ZNF536: variants seen among roughly 807,000 people sequenced by gnomAD.
ZNF536 encodes the protein zinc finger protein 536.
ZNF536 carries 13 observed loss-of-function variants against 84.5 expected under a neutral mutation model. The ratio of observed to expected loss-of-function variants is 0.15; its 90% CI spans 0.10 to 0.24. The LOEUF is 0.24. ZNF536 is among the 10% of genes least tolerant of loss of function. ZNF536 has a pLI of 1.00. For missense variants in ZNF536, 1,536 were observed against 1,747.5 expected, an observed-to-expected ratio of 0.88 and a Z score of 2.16; for synonymous variants, 811 against 742.5, an observed-to-expected ratio of 1.09 and a Z score of -1.50.
At chr19:30,367,335 A>G (rs2048468510) in intron 3 of ZNF536, among the ~76,000 whole-genome samples, 1 of 152,212 alleles carries the variant, frequency 6.6e-6, no homozygotes, top group African/African-American at 2.4e-5. Context: ...GAAGTGTCTC[A>G]GACAAGGCTC....
chr19:30,704,713 C>T (rs1384692356), intron 1 of ZNF536, among the ~76,000 whole-genome samples: 1 of 150,698 alleles, frequency 6.6e-6, no homozygotes, highest in Non-Finnish European at 1.5e-5. Flanking sequence ...GCTGCCTTGT[C>T]ACCTCTGGGA....
At chr19:30,463,652 C>A (rs931866017) in intron 2 of ZNF536, among the ~76,000 whole-genome samples, 6 of 152,198 alleles carry the variant, frequency 3.9e-5, no homozygotes, top group Non-Finnish European at 7.3e-5. Flanking sequence ...GAAATGCCTT[C>A]TCTCAGCACA....
In ZNF536 at chr19:30,325,488, A is replaced by G. The variant is rs2146305631; in HGVS notation, c.-119-26880A>G. Among the ~76,000 whole-genome samples, 2 of 152,200 alleles carry G rather than the reference A, an allele frequency of 1.3e-5. 1 individual carries two copies. The highest frequency in any genetic ancestry group is 4.2e-4 in the South Asian group (2 of 4,810). Reference sequence around the variant, plus strand: ...ATGGGGTGCTCACATGTGTTTTGTCAGTGTCTGGGGGCTGTTTTGGGGCTC... The same window carrying G: ...ATGGGGTGCTCACATGTGTTTTGTCGGTGTCTGGGGGCTGTTTTGGGGCTC... On this transcript the variant is annotated intron_variant, in intron 2 of 5. Transcript: ENST00000585628.
chr19:30,547,369 C>T (rs2045596963), intron 3 of ZNF536, among the ~76,000 whole-genome samples: 1 of 152,088 alleles, frequency 6.6e-6, no homozygotes, highest in Admixed American at 6.5e-5. Flanking sequence ...ATATCTGAGC[C>T]CGTCTGGAAT....
intron 1 of ZNF536, among the ~76,000 whole-genome samples, chr19:30,260,792 C>G (rs940820988): frequency 2.0e-5 from 3 of 152,130 alleles, no homozygotes; most frequent in Non-Finnish European, 4.4e-5. Context: ...CAGGTACAAG[C>G]AAATGTGTGG....
At position 30,579,473 on chromosome 19, in the gene ZNF536, C is replaced by G. The variant is rs190235200; in HGVS notation, c.169+29959C>G. ...GTTCCTTAGTTCTGTTCTGTGTGGT[C>G]TCTCATCTCCAGCAGGTTAGCCTGG... On this transcript the variant is annotated intron_variant, in intron 1 of 1. Coordinates refer to the ZNF536 transcript ENST00000592773. Among the ~76,000 whole-genome samples, 3 of 152,270 alleles carry G rather than the reference C, an allele frequency of 2.0e-5. No homozygotes were observed. In the East Asian group the frequency reaches 5.8e-4, roughly 29 times the overall value.
chr19:30,367,916 G>T (rs2048489539), upstream of ZNF536, among the ~76,000 whole-genome samples: 1 of 152,082 alleles, frequency 6.6e-6, no homozygotes, highest in Admixed American at 6.5e-5. Flanking sequence ...GTTTTGCTGT[G>T]GGCTCTCCAA....
At chr19:30,633,989 CAT>C (rs1340961210) in intron 1 of ZNF536, among the ~76,000 whole-genome samples, 2 of 152,118 alleles carry the variant, frequency 1.3e-5, no homozygotes, top group African/African-American at 4.8e-5. Flanking sequence ...CCTCATGAAA[CAT>C]TGCCTGTACT....
chr19:30,426,449 C>T (rs1405680153), intron 1 of ZNF536, among the ~76,000 whole-genome samples: 1 of 152,210 alleles, frequency 6.6e-6, no homozygotes, highest in East Asian at 1.9e-4. Flanking sequence ...AGGTTTTGGT[C>T]CTTATTCCAT....
At chr19:30,326,253 G>C (rs1042131076) in intron 2 of ZNF536, among the ~76,000 whole-genome samples, 3 of 152,214 alleles carry the variant, frequency 2.0e-5, no homozygotes, top group African/African-American at 7.2e-5. Context: ...CCCGGGCTTG[G>C]CGTCGCTCTG....
intron 1 of ZNF536, among the ~76,000 whole-genome samples, chr19:30,418,669 G>A (rs962308017): frequency 2.0e-5 from 3 of 152,166 alleles, no homozygotes; most frequent in Non-Finnish European, 2.9e-5. Flanking sequence ...GGGGTTGGCC[G>A]GGGTTGGAAG....
At chr19:30,312,059 C>T (rs755438731) in intron 2 of ZNF536, among the ~76,000 whole-genome samples, 1 of 152,130 alleles carries the variant, frequency 6.6e-6, no homozygotes, top group African/African-American at 2.4e-5. Context: ...CAGAGCAAGA[C>T]CCTGTTGCAA....
At chr19:30,287,617 G>T (rs2045684942) in intron 2 of ZNF536, among the ~76,000 whole-genome samples, 1 of 131,526 alleles carries the variant, frequency 7.6e-6, no homozygotes, top group Non-Finnish European at 1.6e-5. Flanking sequence ...TGGATGGATG[G>T]GTGGGTGGAT....
chr19:30,691,095 G>T (rs1413494149), intron 1 of ZNF536, among the ~76,000 whole-genome samples: 1 of 152,092 alleles, frequency 6.6e-6, no homozygotes, highest in Non-Finnish European at 1.5e-5. Flanking sequence ...GGTGGGGAGG[G>T]AGATTTGTTT....
At chr19:30,386,662 G>C (rs1324113529) in intron 1 of ZNF536, among the ~76,000 whole-genome samples, 3 of 152,272 alleles carry the variant, frequency 2.0e-5, no homozygotes, top group African/African-American at 7.2e-5. Context: ...ATAGGCGTGA[G>C]CCATGATGCC....
intron 1 of ZNF536, among the ~76,000 whole-genome samples, chr19:30,241,108 A>G (rs980888734): frequency 1.3e-5 from 2 of 152,190 alleles, no homozygotes; most frequent in Non-Finnish European, 1.5e-5. Flanking sequence ...ACTGGAGCCC[A>G]GGAGTTCAAG....
intron 1 of ZNF536, among the ~76,000 whole-genome samples, chr19:30,409,566 A>G (rs2050398027): frequency 6.6e-6 from 1 of 152,206 alleles, no homozygotes; most frequent in Non-Finnish European, 1.5e-5. Flanking sequence ...GTTCTTAATT[A>G]TTTCCTTAGG....
intron 2 of ZNF536, among the ~76,000 whole-genome samples, chr19:30,524,625 A>T (rs1407237492): frequency 6.6e-6 from 1 of 152,230 alleles, no homozygotes; most frequent in Non-Finnish European, 1.5e-5. Flanking sequence ...AATACATTTT[A>T]AAAAAGATTG....
intron 2 of ZNF536, among the ~76,000 whole-genome samples, chr19:30,519,561 G>C (rs2044233454): frequency 2.0e-5 from 3 of 152,232 alleles, no homozygotes; most frequent in African/African-American, 7.2e-5. Context: ...CCCACGTCCA[G>C]CTTTCCTTCC....
Sources: gnomAD v4.1 joint callset for allele counts (sites outside exome capture counted in the v4.1 genomes callset) on GRCh38, gnomAD v4.1.1 for gene constraint, MANE v1.5 for transcripts, NCBI Gene and HGNC (gene_info 2026-07-23, HGNC 2026-07-21) for gene names.